DNAI4: variants seen among roughly 807,000 people sequenced by gnomAD.
DNAI4 encodes the protein WD repeat domain 78.
A neutral mutation model predicts 105.8 loss-of-function variants in DNAI4; 85 were observed. That is an observed-to-expected ratio of 0.80 (90% confidence interval 0.67 to 0.96). The LOEUF (loss-of-function observed/expected upper bound fraction) is 0.96, where lower values mean the gene tolerates loss of function less well. DNAI4 is among the 40% of genes least tolerant of loss of function. DNAI4 has a pLI of 0.00. For synonymous variants in DNAI4, 352 were observed against 331.5 expected, an observed-to-expected ratio of 1.06 and a Z score of -0.67; for missense variants, 1,014 against 1,005.6, an observed-to-expected ratio of 1.01 and a Z score of -0.11.
Position 66,837,866 on chromosome 1 carries a change from T to C in DNAI4, c.1495-70A>G, listed in dbSNP as rs1646064127. On this transcript the variant is annotated intron_variant, in intron 9 of 16. Coordinates refer to ENST00000371026, the MANE Select transcript of DNAI4 (RefSeq NM_024763.5). ...TAAAATATTGGTAAATGTATAAAGA[T>C]ATATATTAATGAGCTGTGTTAAAAA... 9 of 1,357,462 alleles carry C rather than the reference T, an allele frequency of 6.6e-6. 1 individual carries two copies. The South Asian group carries it at 1.1e-4, about 16-fold the overall frequency. 84.1% of individuals were successfully genotyped at this position (1,357,462 alleles called of 1,614,324 possible).
At chr1:66,881,892 G>C (rs1488743902) in intron 4 of DNAI4, among the ~76,000 whole-genome samples, 29 of 152,214 alleles carry the variant, frequency 1.9e-4, no homozygotes, top group Admixed American at 1.9e-3. Context: ...CCAGTGGGAG[G>C]TGATTGACTT....
At chr1:66,833,468 A>G in intron 13 of DNAI4, 117 bp downstream of exon 13, 2 of 1,189,126 alleles carry the variant, frequency 1.7e-6, no homozygotes, top group Non-Finnish European at 2.3e-6. Flanking sequence ...TCTGTCTCTA[A>G]TATATTAGGC....
chr1:66,820,718 C>T (rs1645607525), intron 16 of DNAI4, among the ~76,000 whole-genome samples: 1 of 152,160 alleles, frequency 6.6e-6, no homozygotes, highest in African/African-American at 2.4e-5. Context: ...AAAGACTTCA[C>T]TGAGAAAGTG....
At chr1:66,854,883 A>G (rs1646468424) in intron 7 of DNAI4, among the ~76,000 whole-genome samples, 1 of 152,214 alleles carries the variant, frequency 6.6e-6, no homozygotes. Flanking sequence ...ATGGAGAGAC[A>G]TTCCATGTTC....
At chr1:66,840,151 C>G (rs1414411506) in intron 9 of DNAI4, among the ~76,000 whole-genome samples, 1 of 152,040 alleles carries the variant, frequency 6.6e-6, no homozygotes, top group Admixed American at 6.6e-5. Context: ...AATAAATATA[C>G]CAATCGTATA....
At chr1:66,848,817 C>T (rs1646333306) in intron 7 of DNAI4, among the ~76,000 whole-genome samples, 1 of 152,144 alleles carries the variant, frequency 6.6e-6, no homozygotes, top group Non-Finnish European at 1.5e-5. Flanking sequence ...AAAGCATAGC[C>T]TTGAAAGAAA....
chr1:66,891,916 T>C (rs1316460024), intron 3 of DNAI4, among the ~76,000 whole-genome samples: 1 of 152,232 alleles, frequency 6.6e-6, no homozygotes, highest in African/African-American at 2.4e-5. Flanking sequence ...CTTTTTTTAG[T>C]TCCTCAATCT....
intron 15 of DNAI4, 40 bp from the exon 16 acceptor site, chr1:66,822,557 T>C: frequency 2.0e-6 from 3 of 1,469,654 alleles, no homozygotes; most frequent in Non-Finnish European, 2.7e-6. Context: ...AATTGTTATA[T>C]TAATATGGTC....
At chr1:66,818,471 G>C (rs976096627) in intron 16 of DNAI4, among the ~76,000 whole-genome samples, 1 of 152,030 alleles carries the variant, frequency 6.6e-6, no homozygotes, top group Non-Finnish European at 1.5e-5. Context: ...GACTTAAAAA[G>C]AGAATAACAA....
At chr1:66,867,185 T>C (rs1646752031) in intron 6 of DNAI4, among the ~76,000 whole-genome samples, 1 of 152,218 alleles carries the variant, frequency 6.6e-6, no homozygotes, top group East Asian at 1.9e-4. Context: ...ACATTCTTGT[T>C]TCCAACCAGT....
At chr1:66,857,378 C>CTAATGTAAATGA (rs1553218526) in intron 7 of DNAI4, among the ~76,000 whole-genome samples, 4 of 150,606 alleles carry the variant, frequency 2.7e-5, no homozygotes, top group African/African-American at 9.8e-5. Context: ...GGAGATATAC[C>CTAATGTAAATGA]TAATGTAAAT....
At chr1:66,923,318 G>A (rs1650691264) in intron 1 of DNAI4, among the ~76,000 whole-genome samples, 1 of 152,316 alleles carries the variant, frequency 6.6e-6, no homozygotes, top group Non-Finnish European at 1.5e-5. Context: ...TAGGTGTATA[G>A]TAGCCCATAC....
intron 4 of DNAI4, among the ~76,000 whole-genome samples, chr1:66,878,721 C>A (rs1647007781): frequency 1.3e-5 from 2 of 152,064 alleles, no homozygotes; most frequent in Admixed American, 1.3e-4. Flanking sequence ...CTGTAATCTC[C>A]CACTCCAACA....
intron 4 of DNAI4, among the ~76,000 whole-genome samples, chr1:66,883,399 T>C (rs965660531): frequency 1.3e-5 from 2 of 152,052 alleles, no homozygotes; most frequent in Non-Finnish European, 2.9e-5. Flanking sequence ...TGCTTCAGCT[T>C]CCCGAGTAGC....
At chr1:66,866,367 CCGATAATGTACCTAAGT>C (rs1409450017) in intron 6 of DNAI4, among the ~76,000 whole-genome samples, 3 of 151,694 alleles carry the variant, frequency 2.0e-5, no homozygotes, top group Non-Finnish European at 4.4e-5. Context: ...AGAATTCAGA[CCGATAATGTACCTAAGT>C]ATTCTGTCCT....
intron 1 of DNAI4, among the ~76,000 whole-genome samples, chr1:66,907,173 C>T (rs1188566397): frequency 6.6e-6 from 1 of 152,034 alleles, no homozygotes; most frequent in Non-Finnish European, 1.5e-5. Flanking sequence ...TCTCTTTTTG[C>T]TCTGTAACTA....
rs551770603 is a variant in DNAI4 at position 66,856,652 on chromosome 1, G to T, written c.1096+5495C>A. On this transcript the variant is annotated intron_variant, in intron 7 of 16. Transcript: ENST00000371026. ...TCATATACAGTCTCAGAACACAAAGGAATTAAATTAGAATTAAATAAAAGA... is the reference window on the plus strand; with the variant it reads ...TCATATACAGTCTCAGAACACAAAGTAATTAAATTAGAATTAAATAAAAGA... 3.3e-5 allele frequency among the ~76,000 whole-genome samples: 5 copies of T among 151,662 alleles called. No homozygotes were observed. The East Asian group carries it at 9.7e-4, about 29-fold the overall frequency.
intron 4 of DNAI4, among the ~76,000 whole-genome samples, chr1:66,880,353 G>A (rs12729725): frequency 2.3e-4 from 35 of 152,314 alleles, no homozygotes; most frequent in African/African-American, 7.9e-4. Context: ...AAGAAGACAG[G>A]AAAATGTGGG....
At position 66,840,655 on chromosome 1, in the gene DNAI4, C is replaced by T. The variant is rs142547294; in HGVS notation, c.1308G>A (p.Glu436=). ...LPVLKEPEPE[E]PEDVLESAKH... Reference sequence around the variant, plus strand: ...TTGCACTTTCTAAAACATCTTCAGGCTCTTCAGGTTCAGGTTCTAAAGTTT... The same window carrying T: ...TTGCACTTTCTAAAACATCTTCAGGTTCTTCAGGTTCAGGTTCTAAAGTTT... Residue 436 remains glutamate (E), a synonymous_variant, in exon 9 of 17, where the codon GAG becomes GAA. Coordinates refer to ENST00000371026, the MANE Select transcript of DNAI4 (RefSeq NM_024763.5). 2.1e-4 allele frequency: 333 copies of T among 1,614,148 alleles called. No homozygotes were observed. The African/African-American group carries it at 3.7e-3, about 18-fold the overall frequency.
Sources: allele counts gnomAD v4.1 joint callset (sites outside exome capture counted in the v4.1 genomes callset), GRCh38; gene constraint gnomAD v4.1.1; transcripts MANE v1.5; gene names NCBI Gene and HGNC (gene_info 2026-07-23, HGNC 2026-07-21).